The following TOLLIP variants were observed in gnomAD, a reference collection of about 807,000 sequenced individuals.
The protein encoded by TOLLIP is toll-interacting protein.
A neutral mutation model predicts 33.5 loss-of-function variants in TOLLIP; 16 were observed. The ratio of observed to expected loss-of-function variants is 0.48; its 90% confidence interval spans 0.32 to 0.72. TOLLIP has a LOEUF of 0.72. Among genes scored for constraint, TOLLIP ranks in the 30% least tolerant of loss-of-function variants. The probability of loss-of-function intolerance (pLI) is 0.03; values close to 1 mark genes in which losing one functional copy is unlikely to be tolerated. For missense variants in TOLLIP, 325 were observed against 396.6 expected (o/e 0.82, Z 1.53); for synonymous variants, 176 against 163.7 (o/e 1.07, Z -0.57).
Position 1,309,486 on chromosome 11 carries a change from C to T in TOLLIP, c.13G>A (p.Val5Ile). 1.5e-6 allele frequency: 2 copies of T among 1,340,868 alleles called. No individual in the cohort carries two copies. Among genetic ancestry groups the T allele is most frequent in the South Asian group, 1.7e-5 (1 of 59,566 alleles). The allele number at this position is 1,340,868 out of a possible 1,614,324, so 83.1% of individuals were successfully genotyped here. A position where few individuals can be genotyped will look rare whatever the true frequency, so the allele number is the denominator to read the frequency against. Residue 5 changes from valine to isoleucine, a missense_variant, in exon 1 of 6, where the codon GTC becomes ATC. By Grantham distance (29) the Val-to-Ile change is conservative. Coordinates refer to ENST00000317204, the MANE Select transcript of TOLLIP (RefSeq NM_019009.4). ...CTCACCGGCCCGCGCTGAGTGCTGA[C>T]GGTGGTCGCCATGGTGCTGCGGCGG... is the stretch of plus-strand genomic sequence containing the variant. MATT[V>I]STQRGPVYIG...
At chr11:1,302,870 C>T (rs1044119477) in intron 1 of TOLLIP, 15 of 862,058 alleles carry the variant, frequency 1.7e-5, no homozygotes, top group Non-Finnish European at 2.1e-5. Flanking sequence ...CAGGAGCCCT[C>T]GCTGAGCACT....
At chr11:1,285,143 T>C (rs1227711083) in intron 5 of TOLLIP, among the ~76,000 whole-genome samples, 1 of 147,982 alleles carries the variant, frequency 6.8e-6, no homozygotes, top group Non-Finnish European at 1.5e-5. Flanking sequence ...GACCCTCCCC[T>C]AACACCACCT....
intron 4 of TOLLIP, 77 bp from the exon 5 acceptor site, chr11:1,286,169 C>A: frequency 8.7e-7 from 1 of 1,142,978 alleles, no homozygotes; most frequent in Non-Finnish European, 1.3e-6. Flanking sequence ...GCCCTCCCCA[C>A]AATTGCCCTC....
Position 1,309,462 on chromosome 11 carries a change from T to C in TOLLIP, c.33+4A>G. 1 of 1,319,608 alleles carries C rather than the reference T, an allele frequency of 7.6e-7. No individual in the cohort carries two copies. The allele number at this position is 1,319,608 out of a possible 1,614,324, so 81.7% of individuals were successfully genotyped here. A position where few individuals can be genotyped will look rare whatever the true frequency, so the allele number is the denominator to read the frequency against. On this transcript the variant is annotated splice_donor_region_variant and intron_variant, in intron 1 of 5. Transcript: ENST00000317204. ...CCCGCCCGACCCTCGCCCGGCTGCC[T>C]CACCGGCCCGCGCTGAGTGCTGACG...
intron 5 of TOLLIP, among the ~76,000 whole-genome samples, chr11:1,285,201 A>G (rs565965390): frequency 6.6e-6 from 1 of 152,026 alleles, no homozygotes; most frequent in Admixed American, 6.5e-5. Flanking sequence ...CAACTTGGCC[A>G]CTTCCATGGC....
In TOLLIP at chr11:1,277,124, T is replaced by G; in HGVS notation, c.740A>C (p.Glu247Ala). 1 of 1,614,080 alleles carries G rather than the reference T, an allele frequency of 6.2e-7. No individual in the cohort carries two copies. ...IQDMFPNMDQ[E>A]VIRSVLEAQR... is the part of the protein sequence containing the mutation. Reference sequence around the variant, plus strand: ...GGCTTCCAGCACGGAGCGGATCACCTCCTGGTCCATGTTGGGGAACATGTC... The same window carrying G: ...GGCTTCCAGCACGGAGCGGATCACCGCCTGGTCCATGTTGGGGAACATGTC... Residue 247 changes from glutamate to alanine, a missense_variant, in exon 6 of 6, where the codon GAG (glutamate) becomes GCG (alanine). Coordinates refer to ENST00000317204, the MANE Select transcript of TOLLIP (RefSeq NM_019009.4). The surrounding 1 kb of genome is among the most constrained non-coding windows in gnomAD (Gnocchi z 4.2).
At chr11:1,279,845 T>C (rs1407911757) in intron 5 of TOLLIP, among the ~76,000 whole-genome samples, 2 of 152,148 alleles carry the variant, frequency 1.3e-5, no homozygotes, top group African/African-American at 4.8e-5. Context: ...CGGCCGCCGG[T>C]GGGCAGGGGA....
intron 1 of TOLLIP, among the ~76,000 whole-genome samples, chr11:1,301,972 C>G (rs1265692263): frequency 6.6e-6 from 1 of 152,236 alleles, no homozygotes; most frequent in East Asian, 1.9e-4. Context: ...CCCCAGGACT[C>G]ACATAGAACA....
intron 1 of TOLLIP, chr11:1,302,856 C>T (rs945479606): frequency 3.2e-6 from 3 of 929,624 alleles, no homozygotes; most frequent in South Asian, 9.9e-5. Context: ...CAGCAGCCCC[C>T]TCCCAGGAGC....
chr11:1,289,393 G>A (rs572338129), intron 3 of TOLLIP, among the ~76,000 whole-genome samples: 59 of 152,332 alleles, frequency 3.9e-4, no homozygotes, highest in African/African-American at 1.3e-3. Context: ...CCACAGGTGC[G>A]AGGTGCCAGG....
chr11:1,295,348 G>T, intron 2 of TOLLIP: 1 of 283,236 alleles, frequency 3.5e-6, no homozygotes, highest in Non-Finnish European at 6.5e-6. Context: ...CTGCCGGCGG[G>T]GGTCCGGGAG....
At chr11:1,288,926 C>T (rs1246570876) in intron 3 of TOLLIP, 150 bp from the exon 4 acceptor site, 4 of 818,052 alleles carry the variant, frequency 4.9e-6, no homozygotes, top group East Asian at 2.7e-5. Context: ...TGAGACCCCT[C>T]GGGCAGCGCA....
chr11:1,307,619 C>T (rs1280089452), intron 1 of TOLLIP, among the ~76,000 whole-genome samples: 3 of 152,246 alleles, frequency 2.0e-5, no homozygotes, highest in Non-Finnish European at 4.4e-5. Context: ...CCATGCCCCC[C>T]TGCTCTCCAG....
intron 4 of TOLLIP, among the ~76,000 whole-genome samples, chr11:1,287,165 G>T (rs1347619531): frequency 6.6e-6 from 1 of 152,224 alleles, no homozygotes; most frequent in African/African-American, 2.4e-5. Flanking sequence ...GTCAACTGCG[G>T]ATAAGTCACT....
Position 1,309,551 on chromosome 11 carries a change from A to T in TOLLIP, c.-53T>A. ...CGACCCGACAGTGACGCGCCGGGCG[A>T]CCTCCTGCGCCCCCGCCGGAGCCTG... On this transcript the variant is annotated 5_prime_UTR_variant, in exon 1 of 6. Transcript: ENST00000317204. The T allele has an allele frequency of 8.5e-7, 1 of 1,173,902 alleles. No individual in the cohort carries two copies. Among genetic ancestry groups the T allele is most frequent in the Non-Finnish European group, 1.1e-6 (1 of 923,866 alleles). The allele number at this position is 1,173,902 out of a possible 1,614,324, so 72.7% of individuals were successfully genotyped here.
Position 1,277,284 on chromosome 11 carries a change from G to A in TOLLIP, c.611-31C>T, listed in dbSNP as rs765534435. The stretch of plus-strand genomic sequence containing the variant: ...AGCAAAGATCAAGTTTGGTAAAAAC[G>A]TCGGAAAGTTCCAGAAGTGCCACAC... On this transcript the variant is annotated intron_variant, in intron 5 of 5. Transcript: ENST00000317204. This position sits in a 1 kb window ranked among gnomAD's most constrained non-coding sequence, Gnocchi z 4.2. 4.7e-6 allele frequency: 7 copies of A among 1,501,070 alleles called. No individual in the cohort carries two copies. Among genetic ancestry groups the A allele is most frequent in the East Asian group, 4.6e-5 (2 of 43,436 alleles). The allele number at this position is 1,501,070 out of a possible 1,614,324, so 93.0% of individuals were successfully genotyped here.
chr11:1,298,970 G>A (rs1270369371), intron 1 of TOLLIP, among the ~76,000 whole-genome samples: 2 of 152,240 alleles, frequency 1.3e-5, no homozygotes, highest in East Asian at 1.9e-4. Context: ...ATGGCTAAAC[G>A]CAAGGCAGGG....
chr11:1,284,291 C>A (rs1249766347), intron 5 of TOLLIP, among the ~76,000 whole-genome samples: 1 of 152,096 alleles, frequency 6.6e-6, no homozygotes, highest in African/African-American at 2.4e-5. Flanking sequence ...GTGGTCACCT[C>A]CTAGGAAGCA....
intron 5 of TOLLIP, among the ~76,000 whole-genome samples, chr11:1,280,235 C>A (rs1316604246): frequency 2.0e-5 from 3 of 152,234 alleles, no homozygotes; most frequent in Non-Finnish European, 4.4e-5. Flanking sequence ...GGGAAGCATG[C>A]CTGGGCCGCT....
Sources: gnomAD v4.1 joint callset for allele counts (sites outside exome capture counted in the v4.1 genomes callset) on GRCh38, gnomAD v4.1.1 for gene constraint, Gnocchi (gnomAD v3.1) non-coding constraint, MANE v1.5 for transcripts, NCBI Gene and HGNC (gene_info 2026-07-23, HGNC 2026-07-21) for gene names.